RBM41: variants seen among roughly 807,000 people sequenced by gnomAD.
RBM41 encodes the protein RNA binding motif protein 41, also known as RNA-binding protein 41.
Under a neutral mutation model 30.8 loss-of-function variants are expected in RBM41, and 14 were observed. That is an observed-to-expected ratio of 0.45 (90% confidence interval 0.30 to 0.71). RBM41 has a LOEUF of 0.71. Ranked by LOEUF, RBM41 falls within the 30% of genes least tolerant of loss-of-function variation. The pLI, the probability that RBM41 is intolerant of heterozygous loss-of-function variation, is 0.08. For synonymous variants in RBM41, 120 were observed against 110.1 expected (o/e 1.09, Z -0.56); for missense variants, 276 against 326.3 (o/e 0.85, Z 1.19).
the RBM41 span, among the ~76,000 whole-genome samples, chrX:107,052,520 C>T: frequency 1.8e-5 from 2 of 110,982 alleles, no homozygotes; most frequent in Non-Finnish European, 3.8e-5. Flanking sequence ...CTGCTTCCTG[C>T]TGAAATGGGG....
At chrX:107,097,415 T>C (rs1923072005) in intron 5 of RBM41, among the ~76,000 whole-genome samples, 1 of 111,485 alleles carries the variant, frequency 9.0e-6, no homozygotes, top group South Asian at 3.8e-4. Flanking sequence ...AGGGAGGGAC[T>C]TAGTGGGACG....
At chrX:107,053,235 G>A in the RBM41 span, among the ~76,000 whole-genome samples, 1 of 113,579 alleles carries the variant, frequency 8.8e-6, no homozygotes, top group Non-Finnish European at 1.9e-5. Context: ...CTTGTTCAGT[G>A]TAGATGGTCA....
downstream of RBM41, among the ~76,000 whole-genome samples, chrX:107,061,376 T>C (rs1935635222): frequency 8.9e-6 from 1 of 112,001 alleles, no homozygotes; most frequent in Admixed American, 9.5e-5. Flanking sequence ...GAGAGCCCAC[T>C]GTCTTAATCT....
rs530938924 is a variant in RBM41 at position 107,067,768 on chromosome X, A to T, written c.1148-75T>A. The T allele has an allele frequency of 1.0e-3, 1,078 of 1,071,296 alleles. 2 individuals are homozygous for T. Among genetic ancestry groups the T allele is most frequent in the South Asian group, 5.4e-3 (187 of 34,854 alleles). The allele number at this position is 1,071,296 out of a possible 1,213,427, so 88.3% of individuals were successfully genotyped here. A position where few individuals can be genotyped will look rare whatever the true frequency, so the allele number is the denominator to read the frequency against. On this transcript the variant is annotated intron_variant, in intron 7 of 7. Coordinates refer to ENST00000685964, the MANE Select transcript of RBM41 (RefSeq NM_001324242.2). ...TTCTATTCCAGGTTTAGTTTAGATT[A>T]TTTTGCCTTGGAGTTAAATGTAAGC...
At chrX:107,084,871 A>C (rs1044106651) in intron 6 of RBM41, among the ~76,000 whole-genome samples, 2 of 112,351 alleles carry the variant, frequency 1.8e-5, no homozygotes, top group African/African-American at 6.5e-5. Flanking sequence ...ACTTCTAAGG[A>C]CTTCACATGT....
At chrX:107,058,800 C>T (rs746610838), downstream of RBM41, among the ~76,000 whole-genome samples, 1 of 111,405 alleles carries the variant, frequency 9.0e-6, no homozygotes, top group Non-Finnish European at 1.9e-5. Context: ...GATCAGGGTA[C>T]CCTCATGGTC....
chrX:107,088,514 G>A lies in RBM41; in HGVS notation c.921C>T (p.Ile307=). 8.3e-7 allele frequency: 1 copy of A among 1,211,088 alleles called. No homozygotes were observed. The highest frequency in any genetic ancestry group is 1.1e-6 in the Non-Finnish European group (1 of 894,974). ...QPIEFVPEDE[I]QRNRLSEEEI... Reference sequence around the variant, plus strand: ...CTTCCTCTGACAAACGATTTCTCTGGATTTCATCTTCTGGGACAAATTCTA... The same window carrying A: ...CTTCCTCTGACAAACGATTTCTCTGAATTTCATCTTCTGGGACAAATTCTA... Residue 307 remains isoleucine, a synonymous_variant, in exon 6 of 8, where the codon ATC becomes ATT. Coordinates refer to ENST00000685964, the MANE Select transcript of RBM41 (RefSeq NM_001324242.2).
At chrX:107,084,555 G>T (rs1921850493) in intron 6 of RBM41, among the ~76,000 whole-genome samples, 1 of 110,898 alleles carries the variant, frequency 9.0e-6, no homozygotes, top group Admixed American at 9.6e-5. Flanking sequence ...TGAAACTTGT[G>T]GGGTTCCTGG....
chrX:107,054,408 G>GT, the RBM41 span, among the ~76,000 whole-genome samples: 25 of 111,265 alleles, frequency 2.2e-4, no homozygotes, highest in African/African-American at 7.5e-4. Context: ...AGCTATTCCT[G>GT]TTTTTTTCTG....
chrX:107,053,233 G>A, the RBM41 span, among the ~76,000 whole-genome samples: 1 of 113,575 alleles, frequency 8.8e-6, no homozygotes, highest in Non-Finnish European at 1.9e-5. Flanking sequence ...ATCTTGTTCA[G>A]TGTAGATGGT....
chrX:107,083,087 A>G (rs1412316613), intron 6 of RBM41, among the ~76,000 whole-genome samples: 1 of 107,530 alleles, frequency 9.3e-6, no homozygotes, highest in Admixed American at 1.0e-4. Context: ...TTTTTTCCCT[A>G]CAAGGTGGGA....
At chrX:107,116,582 T>C (rs1602623808) in intron 2 of RBM41, 68 bp downstream of exon 2, 2 of 1,177,954 alleles carry the variant, frequency 1.7e-6, no homozygotes, top group Non-Finnish European at 2.3e-6. Flanking sequence ...CCATCTAGGC[T>C]TTAAGAGAGA....
intron 6 of RBM41, among the ~76,000 whole-genome samples, chrX:107,077,573 A>AACAC (rs35841168): frequency 0.013 from 1,173 of 92,657 alleles, 17 homozygotes; most frequent in East Asian, 0.03. Flanking sequence ...CAACATACAT[A>AACAC]ACACACACAC....
At chrX:107,106,967 T>A (rs1241834432) in intron 5 of RBM41, among the ~76,000 whole-genome samples, 1 of 110,982 alleles carries the variant, frequency 9.0e-6, no homozygotes, top group Non-Finnish European at 1.9e-5. Context: ...CATGTATACA[T>A]ATGTAACAAA....
intron 6 of RBM41, among the ~76,000 whole-genome samples, chrX:107,085,071 C>T (rs1273545811): frequency 9.0e-6 from 1 of 110,675 alleles, no homozygotes; most frequent in Non-Finnish European, 1.9e-5. Flanking sequence ...ATCATTATAA[C>T]ATCTCCTAAT....
chrX:107,079,388 G>A (rs1921297913), intron 6 of RBM41, among the ~76,000 whole-genome samples: 1 of 111,420 alleles, frequency 9.0e-6, no homozygotes, highest in Non-Finnish European at 1.9e-5. Flanking sequence ...ATTCCATTAT[G>A]CATGTATAAG....
chrX:107,057,128 C>CAA (rs1194155144), downstream of RBM41, among the ~76,000 whole-genome samples: 1 of 110,998 alleles, frequency 9.0e-6, no homozygotes, highest in Admixed American at 9.6e-5. Flanking sequence ...CTTGGCCTCT[C>CAA]AGAGTACTGG....
chrX:107,076,644 A>G (rs1276681634), intron 6 of RBM41, among the ~76,000 whole-genome samples: 4 of 111,412 alleles, frequency 3.6e-5, no homozygotes, highest in Non-Finnish European at 7.5e-5. Flanking sequence ...TTTGCTGTAC[A>G]ACATTGTGCT....
Position 107,065,958 on chromosome X carries a change from A to G in RBM41, c.*1569T>C, listed in dbSNP as rs1203754907. On this transcript the variant is annotated 3_prime_UTR_variant, in exon 8 of 8. Transcript: ENST00000685964. ...TAGATTCAGATTACTGTCTGTGGTC[A>G]CTTGCTTTCAGGCTGAAGAACTTCC... 1.8e-5 allele frequency among the ~76,000 whole-genome samples: 2 copies of G among 111,420 alleles called. No individual in the cohort carries two copies. The highest frequency in any genetic ancestry group is 6.5e-5 in the African/African-American group (2 of 30,640).
Sources: gnomAD v4.1 joint callset for allele counts (sites outside exome capture counted in the v4.1 genomes callset) on GRCh38, gnomAD v4.1.1 for gene constraint, MANE v1.5 for transcripts, NCBI Gene and HGNC (gene_info 2026-07-23, HGNC 2026-07-21) for gene names.